PROKR1: variants seen among roughly 807,000 people sequenced by gnomAD.
PROKR1 encodes the protein prokineticin receptor 1.
A neutral mutation model predicts 22.8 loss-of-function variants in PROKR1; 21 were observed. The ratio of observed to expected loss-of-function variants is 0.92; its 90% confidence interval spans 0.65 to 1.32. The LOEUF is 1.32. Ranked by LOEUF, PROKR1 falls within the 40% of genes most tolerant of loss-of-function variation. The pLI, the probability that PROKR1 is intolerant of heterozygous loss-of-function variation, is 0.00. For missense variants in PROKR1, 548 were observed against 514.2 expected (o/e 1.07, Z -0.64); for synonymous variants, 193 against 207.5 (o/e 0.93, Z 0.60).
chr2:68,651,224 A>C (rs1317149107), intron 2 of PROKR1, among the ~76,000 whole-genome samples: 1 of 152,032 alleles, frequency 6.6e-6, no homozygotes, highest in Non-Finnish European at 1.5e-5. Flanking sequence ...TTTACCGGGC[A>C]TGGTGGCATG....
rs1251214249 is a variant in PROKR1 at position 68,655,626 on chromosome 2, T to C, written c.*50T>C. 2.6e-6 allele frequency: 4 copies of C among 1,553,146 alleles called. No individual in the cohort carries two copies. Among genetic ancestry groups the C allele is most frequent in the Non-Finnish European group, 3.5e-6 (4 of 1,132,808 alleles). On this transcript the variant is annotated 3_prime_UTR_variant, in exon 3 of 3. Coordinates refer to ENST00000303786, the MANE Select transcript of PROKR1 (RefSeq NM_138964.4). ...ACACAAAGCAGGGTCCTGTGGACAC[T>C]GACTAGTGTGCTTGGATGCACATCA...
chr2:68,655,103 T>A lies in PROKR1; in HGVS notation c.709T>A (p.Phe237Ile). 1.2e-6 allele frequency: 2 copies of A among 1,614,196 alleles called. No individual in the cohort carries two copies. The highest frequency in any genetic ancestry group is 8.5e-7 in the Non-Finnish European group (1 of 1,180,040). ...CTACAAGTCCTACTTCCTCTTTATC[T>A]TTGGCATAGAATTCGTGGGCCCCGT... ...LYYKSYFLFIFGIEFVGPVVT... is the reference protein window; with the variant it reads ...LYYKSYFLFIIGIEFVGPVVT... The change falls in exon 3 of 3, where the codon TTT becomes ATT. Residue 237 changes from phenylalanine (F) to isoleucine (I), a missense_variant. Coordinates refer to ENST00000303786, the MANE Select transcript of PROKR1 (RefSeq NM_138964.4).
rs1673414697 is a variant in PROKR1, at chr2:68,655,024, G to C, written c.630G>C (p.Lys210Asn). The stretch of plus-strand genomic sequence containing the variant: ...CCGAGACGGTCCTCGTCATTGTCAA[G>C]AGCCAGGAAAAGATCTTCTGCGGCC... Reference protein sequence around the residue: ...FTTETVLVIVKSQEKIFCGQI... With the variant: ...FTTETVLVIVNSQEKIFCGQI... The change falls in exon 3 of 3, where the codon AAG becomes AAC. Residue 210 changes from lysine (K) to asparagine (N), a missense_variant. Physicochemically the swap from Lys to Asn is moderately conservative, Grantham distance 94. Coordinates refer to ENST00000303786, the MANE Select transcript of PROKR1 (RefSeq NM_138964.4). 1.2e-6 allele frequency: 2 copies of C among 1,613,522 alleles called. No individual in the cohort carries two copies. Among genetic ancestry groups the C allele is most frequent in the East Asian group, 4.5e-5 (2 of 44,838 alleles).
At chr2:68,649,224 A>G (rs1673256319) in intron 2 of PROKR1, among the ~76,000 whole-genome samples, 1 of 152,152 alleles carries the variant, frequency 6.6e-6, no homozygotes, top group South Asian at 2.1e-4. Flanking sequence ...TATTGGTTCC[A>G]TTGTTCTCCG....
At chr2:68,649,974 C>T (rs929437953) in intron 2 of PROKR1, among the ~76,000 whole-genome samples, 22 of 150,082 alleles carry the variant, frequency 1.5e-4, no homozygotes, top group African/African-American at 5.4e-4. Context: ...AAACAAAAAA[C>T]CAAACACCGC....
At chr2:68,652,243 G>C (rs565369476) in intron 2 of PROKR1, among the ~76,000 whole-genome samples, 104 of 152,270 alleles carry the variant, frequency 6.8e-4, no homozygotes, top group African/African-American at 2.3e-3. Flanking sequence ...CTATTTAGTA[G>C]GGTTGGAATT....
Position 68,644,963 on chromosome 2 carries a change from G to A in PROKR1, c.-160-699G>A, listed in dbSNP as rs567941919. On this transcript the variant is annotated intron_variant, in intron 1 of 2. Coordinates refer to ENST00000303786, the MANE Select transcript of PROKR1 (RefSeq NM_138964.4). Reference sequence around the variant, plus strand: ...TAGTAACTCCTTGCAGTTCTAGGGTGTAACACTCTCCTCCAGGGAGCTCCA... The same window carrying A: ...TAGTAACTCCTTGCAGTTCTAGGGTATAACACTCTCCTCCAGGGAGCTCCA... Among the ~76,000 whole-genome samples, 704 of 152,312 alleles carry A rather than the reference G, an allele frequency of 4.6e-3. 1 individual carries two copies. The highest frequency in any genetic ancestry group is 0.016 in the African/African-American group (645 of 41,544).
At position 68,658,048 on chromosome 2, in the gene PROKR1, G is replaced by T. The variant is rs1673507749; in HGVS notation, c.*2472G>T. On this transcript the variant is annotated 3_prime_UTR_variant, in exon 3 of 3. Transcript: ENST00000303786. ...TATGTTCACCGCTTTCATTAAGAAT[G>T]CTAAACAAGAGTTGATTGTATTAAA... The T allele has an allele frequency of 6.6e-6, 1 of 152,154 alleles. No homozygotes were observed. The highest frequency in any genetic ancestry group is 2.4e-5 in the African/African-American group (1 of 41,442). The allele number at this position is 152,154 out of a possible 1,614,324, so 9.4% of individuals were successfully genotyped here. A position where few individuals can be genotyped will look rare whatever the true frequency, so the allele number is the denominator to read the frequency against.
intron 2 of PROKR1, among the ~76,000 whole-genome samples, chr2:68,648,941 AG>A (rs1673247710): frequency 6.6e-6 from 1 of 152,204 alleles, no homozygotes; most frequent in Admixed American, 6.5e-5. Context: ...GGTTGCTTTG[AG>A]GATTGAATGA....
In PROKR1 at chr2:68,645,810, C is replaced by T. The variant is rs1673160953; in HGVS notation, c.-12C>T. ...ATTCTGAGCAGTGTTGCTCACAGCACCACCTGGCCAGATGGAGACCACCAT... is the reference window on the plus strand; with the variant it reads ...ATTCTGAGCAGTGTTGCTCACAGCATCACCTGGCCAGATGGAGACCACCAT... On this transcript the variant is annotated 5_prime_UTR_variant, in exon 2 of 3. Coordinates refer to ENST00000303786, the MANE Select transcript of PROKR1 (RefSeq NM_138964.4). 6.2e-7 allele frequency: 1 copy of T among 1,614,204 alleles called. No individual in the cohort carries two copies. Among genetic ancestry groups the T allele is most frequent in the Non-Finnish European group, 8.5e-7 (1 of 1,180,038 alleles).
rs766500875 is a variant in PROKR1 at position 68,654,830 on chromosome 2, C to T, written c.486-50C>T. 5 of 1,378,444 alleles carry T rather than the reference C, an allele frequency of 3.6e-6. No individual in the cohort carries two copies. In the South Asian group the frequency reaches 4.7e-5, roughly 13 times the overall value. The allele number at this position is 1,378,444 out of a possible 1,614,324, so 85.4% of individuals were successfully genotyped here. On this transcript the variant is annotated intron_variant, in intron 2 of 2. Coordinates refer to ENST00000303786, the MANE Select transcript of PROKR1 (RefSeq NM_138964.4). ...TCAAAAAAAAAAAAAAAAAGATTAT[C>T]CAGCACTTCTTTCTCACAGTGGCTG...
Position 68,657,969 on chromosome 2 carries a change from C to G in PROKR1, c.*2393C>G, listed in dbSNP as rs1171022014. 7.0e-4 allele frequency: 107 copies of G among 152,092 alleles called. 3 individuals carry two copies. Among genetic ancestry groups the G allele is most frequent in the Admixed American group, 7.0e-3 (107 of 15,278 alleles). 9.4% of individuals were successfully genotyped at this position (152,092 alleles called of 1,614,324 possible). ...AAGATCATATATTGCATTCTAAAAT[C>G]TGGAAGGTTAGCTTTTGTATTAAAA... is the stretch of plus-strand genomic sequence containing the variant. On this transcript the variant is annotated 3_prime_UTR_variant, in exon 3 of 3. Coordinates refer to ENST00000303786, the MANE Select transcript of PROKR1 (RefSeq NM_138964.4).
intron 2 of PROKR1, among the ~76,000 whole-genome samples, chr2:68,648,892 G>A (rs114814955): frequency 3.6e-4 from 55 of 152,176 alleles, no homozygotes; most frequent in Non-Finnish European, 6.0e-4. Context: ...CAGTTTTCTC[G>A]CCTACAAAAT....
Position 68,645,976 on chromosome 2 carries a change from T to C in PROKR1, c.155T>C (p.Val52Ala). ...ATGCCTTTGGATGAAGATGAGGATG[T>C]GACCAATTCCAGGACGTTCTTTGCT... ...YDMPLDEDED[V>A]TNSRTFFAAK... The change falls in exon 2 of 3, where the codon GTG (valine) becomes GCG (alanine). Residue 52 changes from valine (V) to alanine (A), a missense_variant. Transcript: ENST00000303786. The C allele has an allele frequency of 6.2e-7, 1 of 1,614,256 alleles. No individual in the cohort carries two copies. The highest frequency in any genetic ancestry group is 8.5e-7 in the Non-Finnish European group (1 of 1,180,038).
chr2:68,653,702 G>A (rs1158751544), intron 2 of PROKR1, among the ~76,000 whole-genome samples: 1 of 152,044 alleles, frequency 6.6e-6, no homozygotes, highest in East Asian at 1.9e-4. Context: ...GGAAACCGGA[G>A]CTCTCTGCAT....
intron 1 of PROKR1, among the ~76,000 whole-genome samples, chr2:68,644,712 C>T (rs1044440935): frequency 6.6e-6 from 1 of 152,128 alleles, no homozygotes; most frequent in Non-Finnish European, 1.5e-5. Flanking sequence ...AGACCTCAGC[C>T]CTCCTTCTAC....
At chr2:68,646,458 A>G in intron 2 of PROKR1, 152 bp downstream of exon 2, 1 of 1,175,040 alleles carries the variant, frequency 8.5e-7, no homozygotes, top group Non-Finnish European at 1.2e-6. Flanking sequence ...TTGCCCATTG[A>G]CTGACAGTGA....
rs753964952 is a variant in PROKR1, at chr2:68,654,901, G to A, written c.507G>A (p.Pro169=). The A allele has an allele frequency of 5.0e-6, 8 of 1,612,712 alleles. No individual in the cohort carries two copies. The East Asian group carries it at 6.7e-5, about 13-fold the overall frequency. Residue 169 remains proline (P), a synonymous_variant, in exon 3 of 3, where the codon CCG becomes CCA. Coordinates refer to ENST00000303786, the MANE Select transcript of PROKR1 (RefSeq NM_138964.4). ...CTAGGTATCTGGCTATTGTCCATCC[G>A]CTGAGACCACGGATGAAGTGCCAAA... is the stretch of plus-strand genomic sequence containing the variant. The part of the protein sequence containing the change: ...AIDRYLAIVH[P]LRPRMKCQTA...
At chr2:68,645,384 C>A (rs143167587) in intron 1 of PROKR1, among the ~76,000 whole-genome samples, 10 of 152,282 alleles carry the variant, frequency 6.6e-5, no homozygotes, top group African/African-American at 2.4e-4. Context: ...CCCCACACTC[C>A]CAACTTTTGT....
Sources: allele counts gnomAD v4.1 joint callset (sites outside exome capture counted in the v4.1 genomes callset), GRCh38; gene constraint gnomAD v4.1.1; transcripts MANE v1.5; gene names NCBI Gene and HGNC (gene_info 2026-07-23, HGNC 2026-07-21).